Variants in DNAJC12 observed in about 807,000 individuals in gnomAD.
DNAJC12 encodes DnaJ heat shock protein family (Hsp40) member C12.
DNAJC12 carries 25 observed loss-of-function variants against 28.5 expected under a neutral mutation model. The ratio of observed to expected loss-of-function variants is 0.88; its 90% CI spans 0.64 to 1.22. The LOEUF (loss-of-function observed/expected upper bound fraction) is 1.22. Ranked by LOEUF, DNAJC12 falls within the 50% of genes most tolerant of loss-of-function variation. The pLI is 0.00. For missense variants in DNAJC12, 222 were observed against 231.7 expected (o/e 0.96, Z 0.27); for synonymous variants, 77 against 80.6 (o/e 0.95, Z 0.24).
chr10:67,800,292 T>G (rs1841729625), intron 4 of DNAJC12, among the ~76,000 whole-genome samples: 1 of 151,274 alleles, frequency 6.6e-6, no homozygotes, highest in African/African-American at 2.4e-5. Flanking sequence ...AGGTGGCACC[T>G]TAGCAGAATG....
rs1415332668 is a variant in DNAJC12 at position 67,797,165 on chromosome 10, T to C, written c.548A>G (p.Lys183Arg). The C allele has an allele frequency of 1.9e-6, 3 of 1,613,768 alleles. No individual in the cohort carries two copies. The highest frequency in any genetic ancestry group is 1.7e-6 in the Non-Finnish European group (2 of 1,179,896). Residue 183 changes from lysine to arginine, a missense_variant, in exon 5 of 5, where the codon AAG becomes AGG. Lys to Arg is a conservative substitution (Grantham distance 26, BLOSUM62 2). Transcript: ENST00000225171. ...NGWHLRFRWS[K>R]DAPSELLRKF... Reference sequence around the variant, plus strand: ...CCTCAGGAGTTCTGAGGGAGCATCCTTGGACCAGCGGAAACGAAGGTGCCA... The same window carrying C: ...CCTCAGGAGTTCTGAGGGAGCATCCCTGGACCAGCGGAAACGAAGGTGCCA...
chr10:67,831,905 G>T (rs1842097374), intron 1 of DNAJC12, among the ~76,000 whole-genome samples: 1 of 152,172 alleles, frequency 6.6e-6, no homozygotes, highest in African/African-American at 2.4e-5. Flanking sequence ...GAAAATTATG[G>T]CTAATTCATT....
chr10:67,826,273 T>G (rs1842028431), intron 1 of DNAJC12, among the ~76,000 whole-genome samples: 1 of 151,334 alleles, frequency 6.6e-6, no homozygotes, highest in Non-Finnish European at 1.5e-5. Context: ...AAGCTAGGAC[T>G]ACAGACACAG....
intron 2 of DNAJC12, among the ~76,000 whole-genome samples, chr10:67,822,883 T>A (rs1841994162): frequency 6.6e-6 from 1 of 151,574 alleles, no homozygotes; most frequent in African/African-American, 2.4e-5. Flanking sequence ...TAGTCCCAGC[T>A]ACTCAGGAGG....
At chr10:67,832,331 ATTATT>A (rs1202101783) in intron 1 of DNAJC12, among the ~76,000 whole-genome samples, 2 of 152,010 alleles carry the variant, frequency 1.3e-5, no homozygotes, top group African/African-American at 2.4e-5. Context: ...ATTGATATAT[ATTATT>A]TTAATTCACT....
intron 3 of DNAJC12, chr10:67,808,372 CTG>C (rs1841824462): frequency 1.3e-5 from 2 of 152,204 alleles, no homozygotes; most frequent in South Asian, 4.1e-4. Context: ...TCTTAACAGT[CTG>C]TGAAATTTCT....
intron 1 of DNAJC12, among the ~76,000 whole-genome samples, chr10:67,829,721 CCT>C (rs1219518615): frequency 6.6e-6 from 1 of 152,172 alleles, no homozygotes; most frequent in Non-Finnish European, 1.5e-5. Context: ...GTGTTTCTCT[CCT>C]CTTTCTTTAA....
intron 3 of DNAJC12, chr10:67,811,169 G>T: frequency 4.0e-6 from 2 of 504,002 alleles, no homozygotes; most frequent in Non-Finnish European, 5.3e-6. Context: ...AAACTAAAAA[G>T]ATGGAGAATG....
chr10:67,829,391 A>G (rs1223518206), intron 1 of DNAJC12, among the ~76,000 whole-genome samples: 2 of 152,194 alleles, frequency 1.3e-5, no homozygotes, highest in Non-Finnish European at 2.9e-5. Flanking sequence ...TTGTAATCCC[A>G]GCACTTGGGG....
chr10:67,815,423 G>A (rs752753865), intron 2 of DNAJC12, among the ~76,000 whole-genome samples: 32 of 147,082 alleles, frequency 2.2e-4, no homozygotes, highest in Non-Finnish European at 4.0e-4. Flanking sequence ...CAGGAGAATC[G>A]CTTGAACCCA....
chr10:67,819,504 T>C (rs993277323), intron 2 of DNAJC12, among the ~76,000 whole-genome samples: 1 of 150,850 alleles, frequency 6.6e-6, no homozygotes, highest in African/African-American at 2.4e-5. Context: ...CCAGGTGTGA[T>C]GGCGCACGCC....
chr10:67,813,662 G>A (rs1342187352), intron 2 of DNAJC12, among the ~76,000 whole-genome samples: 1 of 151,630 alleles, frequency 6.6e-6, no homozygotes, highest in East Asian at 1.9e-4. Context: ...GTAGGCTGAG[G>A]CAGGAGAATC....
Position 67,811,648 on chromosome 10 carries a change from T to C in DNAJC12, c.173A>G (p.Lys58Arg). The stretch of plus-strand genomic sequence containing the variant: ...CAGAATCTCCTTTGCCTTCTGCAGT[T>C]TCTGAAAAGTCTCCACTGGAAAACA... ...ENPKAVETFQ[K>R]LQKAKEILTN... Residue 58 changes from lysine (K) to arginine (R), a missense_variant, in exon 3 of 5, where the codon AAA (lysine) becomes AGA (arginine). Coordinates refer to ENST00000225171, the MANE Select transcript of DNAJC12 (RefSeq NM_021800.3). 1 of 1,612,822 alleles carries C rather than the reference T, an allele frequency of 6.2e-7. No homozygotes were observed. Among genetic ancestry groups the C allele is most frequent in the Non-Finnish European group, 8.5e-7 (1 of 1,179,516 alleles).
chr10:67,809,881 A>G (rs1841841895), intron 3 of DNAJC12, among the ~76,000 whole-genome samples: 1 of 152,186 alleles, frequency 6.6e-6, no homozygotes, highest in African/African-American at 2.4e-5. Flanking sequence ...AAAAAACTAC[A>G]TAATGGGTAC....
At position 67,835,025 on chromosome 10, in the gene DNAJC12, A is replaced by G. The variant is rs148061403; in HGVS notation, c.78+2909T>C. On this transcript the variant is annotated intron_variant, in intron 1 of 4. Coordinates refer to ENST00000225171, the MANE Select transcript of DNAJC12 (RefSeq NM_021800.3). The stretch of plus-strand genomic sequence containing the variant: ...TTCATGGTTGTATTTTCAATTTCTG[A>G]AAGATAATTTTAAAAACTCTCTGAG... Among the ~76,000 whole-genome samples the G allele has an allele frequency of 6.7e-4, 102 of 152,304 alleles. 1 individual carries two copies. In the East Asian group the frequency reaches 0.019, roughly 29 times the overall value.
intron 2 of DNAJC12, among the ~76,000 whole-genome samples, chr10:67,818,287 A>G (rs1564862557): frequency 2.0e-5 from 3 of 152,234 alleles, no homozygotes; most frequent in African/African-American, 7.2e-5. Context: ...AGAAAGTTGT[A>G]TTAATGAAAA....
At chr10:67,810,272 A>G (rs115730373) in intron 3 of DNAJC12, among the ~76,000 whole-genome samples, 3,440 of 152,276 alleles carry the variant, frequency 0.023, 139 homozygotes, top group African/African-American at 0.078. Flanking sequence ...ATCACCTCCC[A>G]TCAGGACCCT....
chr10:67,811,183 ATT>A, intron 3 of DNAJC12: 1 of 625,882 alleles, frequency 1.6e-6, no homozygotes, highest in Non-Finnish European at 2.1e-6. Context: ...GAGAATGTGA[ATT>A]TACAATGGTT....
intron 1 of DNAJC12, among the ~76,000 whole-genome samples, chr10:67,830,781 A>C (rs1015451396): frequency 6.6e-6 from 1 of 152,196 alleles, no homozygotes; most frequent in African/African-American, 2.4e-5. Context: ...TTAGGAAATC[A>C]AGACATAGAA....
Sources: gnomAD v4.1 joint callset for allele counts (sites outside exome capture counted in the v4.1 genomes callset) on GRCh38, gnomAD v4.1.1 for gene constraint, MANE v1.5 for transcripts, NCBI Gene and HGNC (gene_info 2026-07-23, HGNC 2026-07-21) for gene names.